The following DOP1B variants were observed in gnomAD, a reference collection of about 807,000 sequenced individuals.
DOP1B encodes DOP1 leucine zipper like protein B.
Under a neutral mutation model 233.5 loss-of-function variants are expected in DOP1B, and 174 were observed. The observed-to-expected ratio is 0.75, with a 90% CI of 0.66 to 0.85. The LOEUF (loss-of-function observed/expected upper bound fraction) is 0.85, where lower values mean the gene tolerates loss of function less well. Ranked by LOEUF, DOP1B falls within the 40% of genes least tolerant of loss-of-function variation. The probability of loss-of-function intolerance (pLI) is 0.00; values close to 1 mark genes in which losing one functional copy is unlikely to be tolerated. For synonymous variants in DOP1B, 1,190 were observed against 1,185.6 expected, an observed-to-expected ratio of 1.00 and a Z score of -0.08; for missense variants, 2,652 against 2,846.6, an observed-to-expected ratio of 0.93 and a Z score of 1.56.
Position 36,238,600 on chromosome 21 carries a change from G to A in DOP1B, c.2776-1G>A. ...TCACTCCCATGTATCTCCTCATCAA[G>A]GGAACAAGGCTGGAAGCTCTGTTTA... On this transcript the variant is annotated splice_acceptor_variant, in intron 16 of 36. Coordinates refer to ENST00000691173, the MANE Select transcript of DOP1B (RefSeq NM_001320714.2). LOFTEE classifies it high-confidence loss of function. 2 of 1,614,192 alleles carry A rather than the reference G, an allele frequency of 1.2e-6. No individual in the cohort carries two copies. Among genetic ancestry groups the A allele is most frequent in the Non-Finnish European group, 1.7e-6 (2 of 1,180,014 alleles).
At chr21:36,233,133 A>G in intron 15 of DOP1B, 58 bp downstream of exon 15, 1 of 1,565,218 alleles carries the variant, frequency 6.4e-7, no homozygotes. Context: ...AGCAAAACTC[A>G]GAACCGTATT....
intron 27 of DOP1B, among the ~76,000 whole-genome samples, chr21:36,272,165 T>C (rs994335956): frequency 2.6e-5 from 4 of 151,946 alleles, no homozygotes; most frequent in East Asian, 3.9e-4. Context: ...TGTTCAAATA[T>C]TGTTATCTTT....
chr21:36,221,982 G>T (rs149465825), intron 10 of DOP1B, among the ~76,000 whole-genome samples: 1 of 151,554 alleles, frequency 6.6e-6, no homozygotes, highest in Non-Finnish European at 1.5e-5. Context: ...AGCAATTTTC[G>T]TGCCTCAGCC....
chr21:36,181,273 C>G (rs1292322174), intron 2 of DOP1B, among the ~76,000 whole-genome samples: 1 of 151,774 alleles, frequency 6.6e-6, no homozygotes, highest in African/African-American at 2.4e-5. Context: ...CAAGCTAGGA[C>G]TCTGTCTTCT....
At chr21:36,267,457 C>T (rs1304247981) in intron 26 of DOP1B, among the ~76,000 whole-genome samples, 1 of 152,092 alleles carries the variant, frequency 6.6e-6, no homozygotes, top group Non-Finnish European at 1.5e-5. Context: ...CCACAGGTGG[C>T]TGTTGAGCAC....
intron 12 of DOP1B, among the ~76,000 whole-genome samples, chr21:36,227,250 A>G (rs1168801081): frequency 6.8e-6 from 1 of 148,022 alleles, no homozygotes; most frequent in East Asian, 2.1e-4. Context: ...ATAAAATAAA[A>G]AAGAAAATTA....
At chr21:36,244,265 G>GCCC (rs1220111681) in intron 18 of DOP1B, among the ~76,000 whole-genome samples, 1 of 151,222 alleles carries the variant, frequency 6.6e-6, no homozygotes, top group African/African-American at 2.4e-5. Context: ...CAGGTGATCT[G>GCCC]TCCTCCTAGG....
Position 36,288,005 on chromosome 21 carries a change from T to G in DOP1B, c.6161-9T>G, listed in dbSNP as rs369833406. 6.2e-7 allele frequency: 1 copy of G among 1,609,784 alleles called. No individual in the cohort carries two copies. Among genetic ancestry groups the G allele is most frequent in the African/African-American group, 1.3e-5 (1 of 74,642 alleles). ...TTTGTGTAACATCTTTACAATCTTC[T>G]TTCCTTAGAACGCCTGACAGACAAT... On this transcript the variant is annotated splice_polypyrimidine_tract_variant and intron_variant, in intron 32 of 36. Transcript: ENST00000691173.
At chr21:36,259,709 G>A (rs1438201323) in intron 23 of DOP1B, among the ~76,000 whole-genome samples, 1 of 152,222 alleles carries the variant, frequency 6.6e-6, no homozygotes, top group Non-Finnish European at 1.5e-5. Flanking sequence ...GGCTATGACA[G>A]CCAGAGCGAG....
At position 36,248,417 on chromosome 21, in the gene DOP1B, C is replaced by T; in HGVS notation, c.4847C>T (p.Ala1616Val). The change falls in exon 21 of 37, where the codon GCC becomes GTC. Residue 1616 changes from alanine (A) to valine (V), a missense_variant. This residue lies in a region of DOP1B where 2,617 missense variants were observed against 2,794.3 expected (regional missense o/e 0.94). Coordinates refer to ENST00000691173, the MANE Select transcript of DOP1B (RefSeq NM_001320714.2). ...GGTGATCCTGCCAACTTGAGGAATGCCAGAAATGCCATTTTGGAAGAGCTG... is the reference window on the plus strand; with the variant it reads ...GGTGATCCTGCCAACTTGAGGAATGTCAGAAATGCCATTTTGGAAGAGCTG... ...AAGDPANLRN[A>V]RNAILEELPR... 1 of 1,613,834 alleles carries T rather than the reference C, an allele frequency of 6.2e-7. No homozygotes were observed.
intron 27 of DOP1B, among the ~76,000 whole-genome samples, chr21:36,274,722 A>T (rs1266540589): frequency 6.6e-6 from 1 of 152,088 alleles, no homozygotes; most frequent in African/African-American, 2.4e-5. Flanking sequence ...CTTGAGAAAC[A>T]GGTGGAGAAG....
At position 36,245,902 on chromosome 21, in the gene DOP1B, C is replaced by G. The variant is rs758490622; in HGVS notation, c.3922C>G (p.His1308Asp). 15 of 1,613,710 alleles carry G rather than the reference C, an allele frequency of 9.3e-6. No individual in the cohort carries two copies. The African/African-American group carries it at 1.9e-4, about 20-fold the overall frequency. The part of the protein sequence containing the change: ...LQTQVPNVCP[H>D]SLLLELLTYL... Reference sequence around the variant, plus strand: ...GACCCAGGTCCCCAACGTGTGCCCCCACTCTCTGCTCCTGGAGCTGCTCAC... The same window carrying G: ...GACCCAGGTCCCCAACGTGTGCCCCGACTCTCTGCTCCTGGAGCTGCTCAC... Residue 1308 changes from histidine to aspartate, a missense_variant, in exon 19 of 37, where the codon CAC becomes GAC. Physicochemically the swap from His to Asp is moderately conservative, Grantham distance 81. This residue lies in a region of DOP1B where 2,617 missense variants were observed against 2,794.3 expected (regional missense o/e 0.94). Transcript: ENST00000691173. The surrounding 1 kb of genome is among the most constrained non-coding windows in gnomAD (Gnocchi z 5.5).
chr21:36,277,364 C>A (rs2067363025), intron 28 of DOP1B, among the ~76,000 whole-genome samples: 1 of 151,980 alleles, frequency 6.6e-6, no homozygotes, highest in Non-Finnish European at 1.5e-5. Flanking sequence ...CTCACTGCAA[C>A]CTCCACCTCC....
chr21:36,180,974 C>T (rs1393915992), intron 2 of DOP1B, among the ~76,000 whole-genome samples: 1 of 151,818 alleles, frequency 6.6e-6, no homozygotes, highest in African/African-American at 2.4e-5. Context: ...GTATTTTATA[C>T]ATGTGTTTTT....
intron 18 of DOP1B, among the ~76,000 whole-genome samples, chr21:36,241,404 C>G (rs1319839502): frequency 6.6e-6 from 1 of 152,016 alleles, no homozygotes; most frequent in Middle Eastern, 3.4e-3. Context: ...GGAATAAGCT[C>G]CAGACACCCC....
At chr21:36,181,259 A>G (rs1421272761) in intron 2 of DOP1B, among the ~76,000 whole-genome samples, 1 of 151,782 alleles carries the variant, frequency 6.6e-6, no homozygotes, top group Admixed American at 6.6e-5. Context: ...TCATTCCAGA[A>G]ACTCAAGCTA....
intron 26 of DOP1B, among the ~76,000 whole-genome samples, chr21:36,268,920 G>A (rs773725477): frequency 1.3e-5 from 2 of 151,782 alleles, no homozygotes; most frequent in South Asian, 2.1e-4. Context: ...CGCCTGCCTC[G>A]GCCTCCCAAA....
chr21:36,275,421 G>A (rs540222674), intron 27 of DOP1B, among the ~76,000 whole-genome samples: 28 of 151,948 alleles, frequency 1.8e-4, no homozygotes, highest in Non-Finnish European at 3.4e-4. Flanking sequence ...GAGCCCAGGA[G>A]TTCGAGACCA....
chr21:36,187,013 A>T (rs1322447369), intron 2 of DOP1B, among the ~76,000 whole-genome samples: 1 of 151,998 alleles, frequency 6.6e-6, no homozygotes. Context: ...TCCACAGCAG[A>T]GCCACCTCTG....
Sources: allele counts gnomAD v4.1 joint callset (sites outside exome capture counted in the v4.1 genomes callset), GRCh38; gene constraint gnomAD v4.1.1; regional missense constraint gnomAD v4.1.1; non-coding constraint Gnocchi (gnomAD v3.1); transcripts MANE v1.5; gene names NCBI Gene and HGNC (gene_info 2026-07-23, HGNC 2026-07-21).